OLFM3: variants seen among roughly 807,000 people sequenced by gnomAD.
OLFM3 encodes noelin-3.
In OLFM3, 20 loss-of-function variants were observed where a neutral mutation model predicts 48.6. The observed-to-expected ratio is 0.41, with a 90% CI of 0.29 to 0.60. OLFM3 has a LOEUF of 0.60. Among genes scored for constraint, OLFM3 ranks in the 20% least tolerant of loss-of-function variants. The pLI is 0.28. For synonymous variants in OLFM3, 222 were observed against 198.1 expected (o/e 1.12, Z -1.01); for missense variants, 437 against 544.3 (o/e 0.80, Z 1.96).
intron 1 of OLFM3, among the ~76,000 whole-genome samples, chr1:101,915,483 A>G (rs1052219437): frequency 6.6e-6 from 1 of 152,042 alleles, no homozygotes; most frequent in Non-Finnish European, 1.5e-5. Flanking sequence ...AAAATTCCTT[A>G]TTTTTAATAG....
At chr1:101,889,501 G>A (rs1657904810) in intron 1 of OLFM3, among the ~76,000 whole-genome samples, 1 of 152,062 alleles carries the variant, frequency 6.6e-6, no homozygotes, top group Non-Finnish European at 1.5e-5. Context: ...AGGGCCTGTT[G>A]TGGAGTGGGT....
At chr1:101,987,158 G>A (rs1238832837) in intron 1 of OLFM3, among the ~76,000 whole-genome samples, 1 of 152,144 alleles carries the variant, frequency 6.6e-6, no homozygotes, top group East Asian at 1.9e-4. Context: ...GCATCAATGA[G>A]GGTTGCAATG....
At chr1:101,988,836 A>G (rs1237843762) in intron 1 of OLFM3, among the ~76,000 whole-genome samples, 11 of 152,198 alleles carry the variant, frequency 7.2e-5, no homozygotes, top group Middle Eastern at 6.8e-3. Flanking sequence ...TAAAATAACT[A>G]CTAATAAAGT....
chr1:101,972,230 A>G (rs17488327), intron 1 of OLFM3, among the ~76,000 whole-genome samples: 37,710 of 152,074 alleles, frequency 0.25, 5,240 homozygotes, highest in Middle Eastern at 0.36. Context: ...CCCATTAGGG[A>G]ATAGTCTTGT....
intron 1 of OLFM3, among the ~76,000 whole-genome samples, chr1:101,962,594 C>T (rs1427520144): frequency 6.6e-6 from 1 of 151,998 alleles, no homozygotes; most frequent in Non-Finnish European, 1.5e-5. Context: ...GGTTCCATGG[C>T]TTTTTACATT....
intron 1 of OLFM3, among the ~76,000 whole-genome samples, chr1:101,857,987 T>C (rs968061568): frequency 3.3e-5 from 5 of 152,094 alleles, no homozygotes; most frequent in East Asian, 1.9e-4. Flanking sequence ...TGAAAATGCA[T>C]GTGTAGGTCA....
intron 1 of OLFM3, among the ~76,000 whole-genome samples, chr1:101,953,596 A>T (rs1660207314): frequency 6.6e-6 from 1 of 152,160 alleles, no homozygotes; most frequent in Non-Finnish European, 1.5e-5. Flanking sequence ...AGAAGAAAAC[A>T]GACTTTTTGG....
intron 3 of OLFM3, among the ~76,000 whole-genome samples, chr1:101,828,275 A>C (rs1654985269): frequency 6.6e-6 from 1 of 152,224 alleles, no homozygotes; most frequent in South Asian, 2.1e-4. Flanking sequence ...CTTATCTTTA[A>C]AATGGAAATG....
rs146587014 is a variant in OLFM3 at position 101,967,763 on chromosome 1, G to C, written c.69+28985C>G. 1.7e-4 allele frequency among the ~76,000 whole-genome samples: 26 copies of C among 152,174 alleles called. No individual in the cohort carries two copies. The East Asian group carries it at 5.0e-3, about 29-fold the overall frequency. ...AGGTGCAGACCACCTCCCGACCCTG[G>C]ACTGTGTTTCTTTACCCTGACGTAT... On this transcript the variant is annotated intron_variant, in intron 1 of 5. Coordinates refer to ENST00000370103, the MANE Select transcript of OLFM3 (RefSeq NM_058170.4).
intron 1 of OLFM3, among the ~76,000 whole-genome samples, chr1:101,918,699 T>G (rs563590607): frequency 6.6e-6 from 1 of 152,188 alleles, no homozygotes; most frequent in South Asian, 2.1e-4. Flanking sequence ...AAATAACATA[T>G]TCACGGGTTC....
rs553351905 is a variant in OLFM3 at position 101,833,931 on chromosome 1, T to TA, written c.216+2947dup. ...GGTGAGGATGATGGCAGTGTCCTAT[T>TA]AAAAAAAATCACACTTTAGGAAATA... On this transcript the variant is annotated intron_variant, in intron 2 of 5. Transcript: ENST00000370103. Among the ~76,000 whole-genome samples, 52 of 152,166 alleles carry TA rather than the reference T, an allele frequency of 3.4e-4. 1 individual carries two copies. Among genetic ancestry groups the TA allele is most frequent in the Middle Eastern group, 6.8e-3 (2 of 294 alleles).
At chr1:101,889,881 C>T (rs1657920720) in intron 1 of OLFM3, among the ~76,000 whole-genome samples, 1 of 151,752 alleles carries the variant, frequency 6.6e-6, no homozygotes, top group African/African-American at 2.4e-5. Flanking sequence ...ATCATTTGAA[C>T]CTATAATTCT....
chr1:101,956,095 T>TTTTTTA (rs570666459), intron 1 of OLFM3, among the ~76,000 whole-genome samples: 39,049 of 143,662 alleles, frequency 0.27, 5,443 homozygotes, highest in Non-Finnish European at 0.31. Context: ...GGTTTTTTTT[T>TTTTTTA]TTTTTTTTAA....
intron 1 of OLFM3, among the ~76,000 whole-genome samples, chr1:101,840,111 C>A (rs1446114736): frequency 6.6e-6 from 1 of 151,974 alleles, no homozygotes; most frequent in Non-Finnish European, 1.5e-5. Context: ...AAAATCAAAC[C>A]AACTAAGATC....
At chr1:101,915,416 C>T (rs1428347483) in intron 1 of OLFM3, among the ~76,000 whole-genome samples, 1 of 151,648 alleles carries the variant, frequency 6.6e-6, no homozygotes, top group African/African-American at 2.4e-5. Flanking sequence ...AATAAAGTTG[C>T]ATTATTTTAA....
chr1:101,833,851 T>C (rs563485923), intron 2 of OLFM3, among the ~76,000 whole-genome samples: 1 of 152,302 alleles, frequency 6.6e-6, no homozygotes, highest in South Asian at 2.1e-4. Flanking sequence ...AACTGTGTAT[T>C]AGAAATCTTC....
intron 1 of OLFM3, chr1:101,910,050 C>T: frequency 1.0e-6 from 1 of 983,160 alleles, no homozygotes; most frequent in Non-Finnish European, 1.2e-6. Flanking sequence ...CCCCTCCATT[C>T]TCCTCCTCCT....
chr1:101,852,834 C>T (rs1397808900), intron 1 of OLFM3, among the ~76,000 whole-genome samples: 1 of 152,120 alleles, frequency 6.6e-6, no homozygotes, highest in African/African-American at 2.4e-5. Flanking sequence ...ATCTTAATGT[C>T]TTTTCCTCCA....
chr1:101,935,822 A>T (rs1029184071), intron 1 of OLFM3, among the ~76,000 whole-genome samples: 3 of 152,140 alleles, frequency 2.0e-5, no homozygotes, highest in African/African-American at 7.2e-5. Context: ...TTAAACATAC[A>T]CAAATCCATA....
Sources: allele counts gnomAD v4.1 joint callset (sites outside exome capture counted in the v4.1 genomes callset), GRCh38; gene constraint gnomAD v4.1.1; transcripts MANE v1.5; gene names NCBI Gene and HGNC (gene_info 2026-07-23, HGNC 2026-07-21).